GALNT13: variants seen among roughly 807,000 people sequenced by gnomAD.
GALNT13 encodes the protein polypeptide N-acetylgalactosaminyltransferase 13.
A neutral mutation model predicts 64.2 loss-of-function variants in GALNT13; 28 were observed. That is an observed-to-expected ratio of 0.44 (90% CI 0.32 to 0.60). The LOEUF (loss-of-function observed/expected upper bound fraction) is 0.60. GALNT13 is among the 20% of genes least tolerant of loss of function. GALNT13 has a pLI of 0.05. For synonymous variants in GALNT13, 214 were observed against 224.6 expected, an observed-to-expected ratio of 0.95 and a Z score of 0.42; for missense variants, 577 against 669.8, an observed-to-expected ratio of 0.86 and a Z score of 1.53.
At chr2:153,158,770 T>C in the GALNT13 span, among the ~76,000 whole-genome samples, 1 of 152,222 alleles carries the variant, frequency 6.6e-6, no homozygotes, top group Non-Finnish European at 1.5e-5. Context: ...CAGGCCAAGG[T>C]AGCATTTGAA....
chr2:153,281,289 CT>C, the GALNT13 span, among the ~76,000 whole-genome samples: 1 of 149,884 alleles, frequency 6.7e-6, no homozygotes, highest in African/African-American at 2.5e-5. Context: ...TAAGATGAGT[CT>C]CTTAAAGATA....
chr2:153,153,854 T>C, the GALNT13 span, among the ~76,000 whole-genome samples: 4 of 152,216 alleles, frequency 2.6e-5, no homozygotes, highest in Non-Finnish European at 4.4e-5. Context: ...CTTTGTTCTT[T>C]TGCTTAGGAT....
At chr2:154,269,926 T>TATATATATATATATATATATATATATATA (rs1356571076) in intron 8 of GALNT13, among the ~76,000 whole-genome samples, 15 of 33,326 alleles carry the variant, frequency 4.5e-4, no homozygotes, top group East Asian at 1.5e-3. Flanking sequence ...ATATATATAT[T>TATATATATATATATATATATATATATATA]TCTAAAGCAC....
intron 3 of GALNT13, among the ~76,000 whole-genome samples, chr2:154,053,576 T>C (rs533460964): frequency 6.6e-6 from 1 of 152,286 alleles, no homozygotes; most frequent in African/African-American, 2.4e-5. Context: ...TGCTTTTTAT[T>C]GAAAAACAAA....
intron 9 of GALNT13, among the ~76,000 whole-genome samples, chr2:154,317,020 C>G (rs1471060929): frequency 6.6e-6 from 1 of 152,054 alleles, no homozygotes; most frequent in Non-Finnish European, 1.5e-5. Flanking sequence ...CAAGAGCAGC[C>G]TGGCCAACAT....
the GALNT13 span, among the ~76,000 whole-genome samples, chr2:153,223,825 C>G: frequency 6.6e-6 from 1 of 151,892 alleles, no homozygotes; most frequent in Non-Finnish European, 1.5e-5. Context: ...CAAAAATTGT[C>G]CAGGTGTGGT....
chr2:153,161,708 G>A, the GALNT13 span, among the ~76,000 whole-genome samples: 1 of 152,106 alleles, frequency 6.6e-6, no homozygotes, highest in African/African-American at 2.4e-5. Context: ...AGCAAGAGGG[G>A]AGAAATGAAG....
the GALNT13 span, among the ~76,000 whole-genome samples, chr2:153,692,573 G>A: frequency 1.3e-5 from 2 of 152,156 alleles, no homozygotes; most frequent in African/African-American, 4.8e-5. Context: ...AATCAACTCA[G>A]GCTCTAGTTC....
chr2:153,865,355 C>T, the GALNT13 span, among the ~76,000 whole-genome samples: 3 of 118,218 alleles, frequency 2.5e-5, no homozygotes, highest in Non-Finnish European at 1.8e-5. Context: ...AAAGAAACTA[C>T]CATCAGAGTG....
intron 7 of GALNT13, among the ~76,000 whole-genome samples, chr2:154,252,358 TTA>T (rs1340022187): frequency 6.1e-4 from 80 of 131,104 alleles, no homozygotes; most frequent in African/African-American, 2.1e-3. Flanking sequence ...TTTATTATTA[TTA>T]TTTTTTTTTT....
At chr2:153,347,074 A>G in the GALNT13 span, among the ~76,000 whole-genome samples, 4 of 152,186 alleles carry the variant, frequency 2.6e-5, no homozygotes, top group Non-Finnish European at 5.9e-5. Flanking sequence ...GCTGTTGAAT[A>G]TTGTCCTGGC....
At chr2:154,086,310 ATATAAT>A (rs70983703) in intron 3 of GALNT13, among the ~76,000 whole-genome samples, 34,709 of 147,782 alleles carry the variant, frequency 0.23, 4,394 homozygotes, top group Non-Finnish European at 0.28. Context: ...ATATCGAAAT[ATATAAT>A]TATATGTTAT....
chr2:153,270,720 A>G, the GALNT13 span, among the ~76,000 whole-genome samples: 1 of 152,118 alleles, frequency 6.6e-6, no homozygotes, highest in Non-Finnish European at 1.5e-5. Flanking sequence ...GCAAGATGGC[A>G]CACCCCTTGT....
the GALNT13 span, among the ~76,000 whole-genome samples, chr2:153,617,141 C>T: frequency 1.3e-5 from 2 of 151,894 alleles, no homozygotes; most frequent in Non-Finnish European, 2.9e-5. Flanking sequence ...TTGTCATGTT[C>T]CAGATTTTAG....
chr2:154,412,355 C>A (rs1372620837), intron 11 of GALNT13, among the ~76,000 whole-genome samples: 1 of 151,578 alleles, frequency 6.6e-6, no homozygotes, highest in Non-Finnish European at 1.5e-5. Context: ...CAGAATTACC[C>A]TCCCTGGTTT....
the GALNT13 span, among the ~76,000 whole-genome samples, chr2:153,579,596 G>A: frequency 7.3e-4 from 111 of 152,252 alleles, no homozygotes; most frequent in East Asian, 0.021. Context: ...AAAATAGCAT[G>A]AATGTTTCCA....
At chr2:153,696,542 G>T in the GALNT13 span, among the ~76,000 whole-genome samples, 3 of 152,084 alleles carry the variant, frequency 2.0e-5, no homozygotes, top group Admixed American at 2.0e-4. Flanking sequence ...ATACATACAT[G>T]TCTATAATAA....
At chr2:154,118,043 A>G (rs1042213729) in intron 3 of GALNT13, among the ~76,000 whole-genome samples, 42 of 152,208 alleles carry the variant, frequency 2.8e-4, no homozygotes, top group African/African-American at 9.4e-4. Context: ...TTTGTCTACA[A>G]TGTTTTTTGA....
chr2:153,251,559 C>T, the GALNT13 span, among the ~76,000 whole-genome samples: 42 of 151,818 alleles, frequency 2.8e-4, no homozygotes, highest in South Asian at 4.2e-4. Flanking sequence ...CATGCTGGTG[C>T]GCTGCACCCA....
Sources: allele counts gnomAD v4.1 joint callset (sites outside exome capture counted in the v4.1 genomes callset), GRCh38; gene constraint gnomAD v4.1.1; transcripts MANE v1.5; gene names NCBI Gene and HGNC (gene_info 2026-07-23, HGNC 2026-07-21).